The following ASTN2 variants were observed in gnomAD, a reference collection of about 807,000 sequenced individuals.
ASTN2 encodes astrotactin 2.
A neutral mutation model predicts 139.8 loss-of-function variants in ASTN2; 54 were observed. The ratio of observed to expected loss-of-function variants is 0.39; its 90% CI spans 0.31 to 0.48. The LOEUF (loss-of-function observed/expected upper bound fraction) is 0.48. ASTN2 is among the 20% of genes least tolerant of loss of function. ASTN2 has a pLI of 0.95. For synonymous variants in ASTN2, 756 were observed against 719.5 expected, an observed-to-expected ratio of 1.05 and a Z score of -0.81; for missense variants, 1,565 against 1,725.1, an observed-to-expected ratio of 0.91 and a Z score of 1.64.
At chr9:116,924,682 C>T (rs932586893) in intron 10 of ASTN2, among the ~76,000 whole-genome samples, 6 of 152,020 alleles carry the variant, frequency 3.9e-5, no homozygotes, top group African/African-American at 1.4e-4. Flanking sequence ...GGGAGTGCCT[C>T]TTAGGATGCT....
At chr9:117,218,437 G>T (rs1832404842) in intron 2 of ASTN2, among the ~76,000 whole-genome samples, 1 of 152,180 alleles carries the variant, frequency 6.6e-6, no homozygotes, top group Non-Finnish European at 1.5e-5. Flanking sequence ...GGTCAAAGCA[G>T]ATTTCCAGTA....
chr9:116,814,793 T>G (rs1489837324), intron 12 of ASTN2, among the ~76,000 whole-genome samples: 1 of 152,196 alleles, frequency 6.6e-6, no homozygotes, highest in Non-Finnish European at 1.5e-5. Context: ...TTGTTGTTGT[T>G]GTTTAATATT....
intron 3 of ASTN2, among the ~76,000 whole-genome samples, chr9:117,170,275 G>A (rs1388568965): frequency 6.6e-6 from 1 of 152,004 alleles, no homozygotes; most frequent in Non-Finnish European, 1.5e-5. Flanking sequence ...AATACAATGT[G>A]CTTGTATATC....
At chr9:117,349,100 T>C (rs1456291383) in intron 1 of ASTN2, among the ~76,000 whole-genome samples, 1 of 152,150 alleles carries the variant, frequency 6.6e-6, no homozygotes, top group African/African-American at 2.4e-5. Flanking sequence ...ATCACGGACC[T>C]GGGTCAAAAA....
intron 13 of ASTN2, among the ~76,000 whole-genome samples, chr9:116,790,964 AAGGAAAGAAAGAAAG>A (rs1564268828): frequency 1.9e-5 from 2 of 106,710 alleles, no homozygotes; most frequent in Non-Finnish European, 3.9e-5. Flanking sequence ...GAAAAGAAAG[AAGGAAAGAAAGAAAG>A]AAAGAAAGAA....
chr9:117,111,135 C>T (rs1258738031), intron 4 of ASTN2, among the ~76,000 whole-genome samples: 6 of 152,166 alleles, frequency 3.9e-5, no homozygotes, highest in Admixed American at 3.9e-4. Flanking sequence ...TAACAAAACC[C>T]AAGAGTCTTC....
At chr9:117,160,109 A>G (rs575551566) in intron 3 of ASTN2, among the ~76,000 whole-genome samples, 3 of 152,138 alleles carry the variant, frequency 2.0e-5, no homozygotes, top group African/African-American at 7.2e-5. Context: ...AGTAAGCCAG[A>G]TGGCCAAGCT....
chr9:116,460,664 T>C (rs532244362), intron 20 of ASTN2, among the ~76,000 whole-genome samples: 8 of 152,222 alleles, frequency 5.3e-5, no homozygotes, highest in African/African-American at 1.9e-4. Context: ...GATCCGAGGA[T>C]TGCAAAGGAA....
chr9:116,534,661 T>C (rs1851528705), intron 19 of ASTN2, among the ~76,000 whole-genome samples: 1 of 152,184 alleles, frequency 6.6e-6, no homozygotes, highest in Non-Finnish European at 1.5e-5. Context: ...TTCCATGTAG[T>C]TGAGTGGTTT....
At chr9:117,398,814 C>T (rs2130957837) in intron 1 of ASTN2, among the ~76,000 whole-genome samples, 1 of 152,312 alleles carries the variant, frequency 6.6e-6, no homozygotes, top group African/African-American at 2.4e-5. Context: ...TGGAGTCTTG[C>T]TCTGCCACCC....
intron 1 of ASTN2, among the ~76,000 whole-genome samples, chr9:117,314,061 T>G (rs1828058169): frequency 6.6e-6 from 1 of 152,204 alleles, no homozygotes; most frequent in South Asian, 2.1e-4. Context: ...AGATTTCTAA[T>G]GCACTGCTAG....
intron 1 of ASTN2, among the ~76,000 whole-genome samples, chr9:117,413,076 C>T (rs1003290199): frequency 9.9e-5 from 15 of 152,216 alleles, no homozygotes; most frequent in Non-Finnish European, 1.8e-4. Context: ...AGGTTACAGC[C>T]TGCGAGGGTG....
chr9:116,681,416 G>A (rs1273851116), intron 16 of ASTN2, among the ~76,000 whole-genome samples: 1 of 152,168 alleles, frequency 6.6e-6, no homozygotes, highest in African/African-American at 2.4e-5. Flanking sequence ...TCATTGGTAG[G>A]AAGAATTAAT....
At chr9:116,487,331 T>G (rs749231349) in intron 20 of ASTN2, 28 bp downstream of exon 20, 208 of 1,610,432 alleles carry the variant, frequency 1.3e-4, no homozygotes, top group Non-Finnish European at 1.7e-4. Context: ...GTCTGCCTCA[T>G]GATCCCCACA....
intron 1 of ASTN2, among the ~76,000 whole-genome samples, chr9:117,334,132 A>C (rs1288481159): frequency 6.6e-6 from 1 of 152,222 alleles, no homozygotes; most frequent in Non-Finnish European, 1.5e-5. Context: ...CACATAAAAA[A>C]GGGGTGTGGC....
At chr9:116,442,952 T>C (rs1251575924) in intron 20 of ASTN2, among the ~76,000 whole-genome samples, 1 of 152,168 alleles carries the variant, frequency 6.6e-6, no homozygotes, top group Non-Finnish European at 1.5e-5. Flanking sequence ...GAAATATTTA[T>C]TGAGCATTTA....
chr9:116,627,030 G>A (rs1588106987), intron 17 of ASTN2, among the ~76,000 whole-genome samples: 1 of 152,194 alleles, frequency 6.6e-6, no homozygotes, highest in Non-Finnish European at 1.5e-5. Flanking sequence ...CCATTCCTTA[G>A]GAATGAAACA....
chr9:117,309,804 T>C (rs182753343), intron 1 of ASTN2, among the ~76,000 whole-genome samples: 2 of 152,274 alleles, frequency 1.3e-5, no homozygotes, highest in Non-Finnish European at 2.9e-5. Context: ...GGCAAGCAGA[T>C]GGGTGGTTCC....
intron 10 of ASTN2, among the ~76,000 whole-genome samples, chr9:116,956,778 C>T (rs982728669): frequency 3.3e-5 from 5 of 151,988 alleles, no homozygotes; most frequent in African/African-American, 1.2e-4. Flanking sequence ...TTTCTCTACA[C>T]TAGCAATGAG....
Sources: gnomAD v4.1 joint callset for allele counts (sites outside exome capture counted in the v4.1 genomes callset) on GRCh38, gnomAD v4.1.1 for gene constraint, MANE v1.5 for transcripts, NCBI Gene and HGNC (gene_info 2026-07-23, HGNC 2026-07-21) for gene names.